The following NCLN variants were observed in gnomAD, a reference collection of about 807,000 sequenced individuals.
The protein encoded by NCLN is nicalin.
A neutral mutation model predicts 69.5 loss-of-function variants in NCLN; 34 were observed. The observed-to-expected ratio is 0.49, with a 90% CI of 0.37 to 0.65. The LOEUF (loss-of-function observed/expected upper bound fraction) is 0.65. Among genes scored for constraint, NCLN ranks in the 30% least tolerant of loss-of-function variants. NCLN has a pLI of 0.00. For synonymous variants in NCLN, 393 were observed against 358.3 expected, an observed-to-expected ratio of 1.10 and a Z score of -1.09; for missense variants, 710 against 804.8, an observed-to-expected ratio of 0.88 and a Z score of 1.42.
chr19:3,204,747 G>C lies in NCLN; in HGVS notation c.1204G>C (p.Val402Leu), dbSNP rs374589922. The C allele has an allele frequency of 6.5e-7, 1 of 1,528,438 alleles. No homozygotes were observed. The highest frequency in any genetic ancestry group is 2.3e-5 in the East Asian group (1 of 42,618). 94.7% of individuals were successfully genotyped at this position (1,528,438 alleles called of 1,614,324 possible). A position where few individuals can be genotyped will look rare whatever the true frequency, so the allele number is the denominator to read the frequency against. The change falls in exon 9 of 15, where the codon GTG becomes CTG. Residue 402 changes from valine to leucine, a missense_variant. Coordinates refer to ENST00000246117, the MANE Select transcript of NCLN (RefSeq NM_020170.4). ...CGGCCAGCGCAGCAGCATCATGGAC[G>C]TGCGGTGAGCGCGGCAGCACCTGCC... ...RDGQRSSIMD[V>L]RSRVDSKTLT...
chr19:3,206,059 AGCCCCAGCCCTGCCCCCGGCCCCG>A (rs1916256688), intron 10 of NCLN, 33 bp downstream of exon 10: 1 of 1,609,420 alleles, frequency 6.2e-7, no homozygotes, highest in Non-Finnish European at 8.5e-7. Context: ...CGCCAGACCC[AGCCCCAGCCCTGCCCCCGGCCCCG>A]GCCCCACCCC....
At chr19:3,186,255 CCGGCCA>C in intron 1 of NCLN, 41 bp downstream of exon 1, 1 of 1,420,234 alleles carries the variant, frequency 7.0e-7, no homozygotes. Context: ...CCCGGGCTCC[CCGGCCA>C]CGCCACTCCG....
chr19:3,204,347 G>C (rs1462041329), intron 8 of NCLN, among the ~76,000 whole-genome samples: 4 of 152,100 alleles, frequency 2.6e-5, no homozygotes, highest in African/African-American at 9.7e-5. Context: ...CACTGCGTCA[G>C]GGCCGGGCTG....
At position 3,203,656 on chromosome 19, in the gene NCLN, A is replaced by T. The variant is rs552444627; in HGVS notation, c.801-100A>T. On this transcript the variant is annotated intron_variant, in intron 6 of 14. Coordinates refer to ENST00000246117, the MANE Select transcript of NCLN (RefSeq NM_020170.4). ...CTGGTCAGGATTTCCTGCTTTGGGG[A>T]GACCTTCATACCCTTCCTGGGGGAC... 1.1e-5 allele frequency: 11 copies of T among 1,041,912 alleles called. No homozygotes were observed. In the East Asian group the frequency reaches 2.3e-4, roughly 22 times the overall value. 64.5% of individuals were successfully genotyped at this position (1,041,912 alleles called of 1,614,324 possible). A position where few individuals can be genotyped will look rare whatever the true frequency, so the allele number is the denominator to read the frequency against.
At position 3,203,814 on chromosome 19, in the gene NCLN, C is replaced by A. The variant is rs373049704; in HGVS notation, c.859C>A (p.Arg287Ser). 2.5e-6 allele frequency: 4 copies of A among 1,613,122 alleles called. No individual in the cohort carries two copies. The highest frequency in any genetic ancestry group is 4.5e-5 in the East Asian group (2 of 44,898). ...CAAGTTTAACTACCAGGGAACCAAG[C>A]GCTGGCTGGAAGACAACCTGGACCA... ...GGKFNYQGTKRWLEDNLDHTD... is the reference protein window; with the variant it reads ...GGKFNYQGTKSWLEDNLDHTD... The change falls in exon 7 of 15, where the codon CGC becomes AGC. Residue 287 changes from arginine to serine, a missense_variant. Physicochemically the swap from Arg to Ser is moderately radical, Grantham distance 110. Transcript: ENST00000246117.
At chr19:3,187,269 T>C (rs1915694897) in intron 1 of NCLN, among the ~76,000 whole-genome samples, 1 of 152,246 alleles carries the variant, frequency 6.6e-6, no homozygotes, top group South Asian at 2.1e-4. Flanking sequence ...TGTCTTTGCC[T>C]GGCTATAGCT....
At position 3,207,986 on chromosome 19, in the gene NCLN, G is replaced by A. The variant is rs537946732; in HGVS notation, c.*298G>A. On this transcript the variant is annotated 3_prime_UTR_variant, in exon 15 of 15. Coordinates refer to ENST00000246117, the MANE Select transcript of NCLN (RefSeq NM_020170.4). ...CCAGTCCTGGGAGCCGGCCGCCCTC[G>A]GTCTGGTGTAAGCACACATGCACGA... 7.1e-5 allele frequency: 32 copies of A among 453,558 alleles called. No homozygotes were observed. The highest frequency in any genetic ancestry group is 4.7e-4 in the African/African-American group (24 of 50,654). The allele number at this position is 453,558 out of a possible 1,614,324, so 28.1% of individuals were successfully genotyped here. A position where few individuals can be genotyped will look rare whatever the true frequency, so the allele number is the denominator to read the frequency against.
Position 3,192,342 on chromosome 19 carries a change from C to T in NCLN, c.185-128C>T, listed in dbSNP as rs928130801. ...GGGGGACCCTGGGAGCTTCTCGAAT[C>T]GGTGGTCTTCCAGGTTGTGGGCTGG... On this transcript the variant is annotated intron_variant, in intron 1 of 14. Transcript: ENST00000246117. The T allele has an allele frequency of 2.0e-5, 15 of 753,374 alleles. No homozygotes were observed. In the African/African-American group the frequency reaches 2.1e-4, roughly 11 times the overall value. 46.7% of individuals were successfully genotyped at this position (753,374 alleles called of 1,614,324 possible).
Position 3,204,061 on chromosome 19 carries a change from CG to C in NCLN, c.950del (p.Gly317AlafsTer95). ...AFVLCLDTVGRGSSLHLHVSK... is the reference protein window; with the variant it reads ...AFVLCLDTVGXGSSLHLHVSK... The stretch of plus-strand genomic sequence containing the variant: ...CGTGCTGTGCCTGGACACCGTGGGC[CG>C]GGGCAGCAGCCTGCACCTGCACGTG... On this transcript the variant is annotated frameshift_variant, in exon 8 of 15. Transcript: ENST00000246117. LOFTEE classifies it high-confidence loss of function. 2 of 1,567,924 alleles carry C rather than the reference CG, an allele frequency of 1.3e-6. No homozygotes were observed. The highest frequency in any genetic ancestry group is 1.7e-6 in the Non-Finnish European group (2 of 1,156,250).
In NCLN at chr19:3,205,406, C is replaced by T. The variant is rs556639504; in HGVS notation, c.1209-533C>T. ...TCAGGAGTGGTTTGAGCTCAGCCAT[C>T]GGAGGCCTGCAGAAGCCAGTGGCGG... On this transcript the variant is annotated intron_variant, in intron 9 of 14. Transcript: ENST00000246117. This position sits in a 1 kb window ranked among gnomAD's most constrained non-coding sequence, Gnocchi z 4.6. Among the ~76,000 whole-genome samples the T allele has an allele frequency of 2.6e-5, 4 of 152,328 alleles. No individual in the cohort carries two copies. Among genetic ancestry groups the T allele is most frequent in the East Asian group, 1.9e-4 (1 of 5,186 alleles).
At chr19:3,204,467 A>T in intron 8 of NCLN, 106 bp from the exon 9 acceptor site, 1 of 1,273,146 alleles carries the variant, frequency 7.9e-7, no homozygotes, top group Non-Finnish European at 1.1e-6. Flanking sequence ...ATTTCTCCTC[A>T]TTTTGCACCC....
At position 3,196,293 on chromosome 19, in the gene NCLN, C is replaced by T. The variant is rs751925198; in HGVS notation, c.615+16C>T. The T allele has an allele frequency of 4.2e-5, 64 of 1,526,730 alleles. No homozygotes were observed. The South Asian group carries it at 7.2e-4, about 17-fold the overall frequency. The allele number at this position is 1,526,730 out of a possible 1,614,324, so 94.6% of individuals were successfully genotyped here. The stretch of plus-strand genomic sequence containing the variant: ...CAGCGTGGAGGTGAGTGCCGCCTGC[C>T]CCGGAGCCAGCCCCACGTCCCCAGG... On this transcript the variant is annotated intron_variant, in intron 4 of 14. Coordinates refer to ENST00000246117, the MANE Select transcript of NCLN (RefSeq NM_020170.4).
chr19:3,192,360 T>G (rs1045377586), intron 1 of NCLN, 110 bp from the exon 2 acceptor site: 1 of 848,236 alleles, frequency 1.2e-6, no homozygotes, highest in African/African-American at 1.8e-5. Context: ...TTCCAGGTTG[T>G]GGGCTGGGGC....
intron 2 of NCLN, 62 bp downstream of exon 2, chr19:3,192,722 CTG>C: frequency 7.0e-7 from 1 of 1,425,142 alleles, no homozygotes; most frequent in Non-Finnish European, 9.2e-7. Context: ...TTGGAGGCAA[CTG>C]TGTGACCCTA....
intron 1 of NCLN, among the ~76,000 whole-genome samples, chr19:3,190,304 T>TGCGTG (rs1467129823): frequency 1.3e-5 from 2 of 152,072 alleles, no homozygotes; most frequent in African/African-American, 2.4e-5. Context: ...GGGCCTGGGG[T>TGCGTG]GCGTGGGCCC....
intron 5 of NCLN, among the ~76,000 whole-genome samples, chr19:3,200,737 G>A (rs1040692178): frequency 3.9e-5 from 6 of 152,078 alleles, no homozygotes; most frequent in African/African-American, 7.2e-5. Context: ...ACCCCAAAAA[G>A]CAGCCCCTCC....
chr19:3,190,622 C>G (rs1915794722), intron 1 of NCLN, among the ~76,000 whole-genome samples: 1 of 152,208 alleles, frequency 6.6e-6, no homozygotes, highest in South Asian at 2.1e-4. Flanking sequence ...CAGCATCCAG[C>G]ATCCACCTTC....
Position 3,198,833 on chromosome 19 carries a change from TG to T in NCLN, c.635del (p.Gly212AlafsTer200). ...TATCCACAGGGGCGGCTGACGGGGC[TG>T]GGCGGAGAGGACCTTCCCACCATCG... ...IASVEGRLTG[L>X]GGEDLPTIVI... On this transcript the variant is annotated frameshift_variant, in exon 5 of 15. Transcript: ENST00000246117. LOFTEE classifies it high-confidence loss of function. 1 of 1,577,228 alleles carries T rather than the reference TG, an allele frequency of 6.3e-7. No homozygotes were observed. The highest frequency in any genetic ancestry group is 8.6e-7 in the Non-Finnish European group (1 of 1,162,614).
intron 5 of NCLN, among the ~76,000 whole-genome samples, chr19:3,199,782 C>A (rs1682204211): frequency 6.8e-6 from 1 of 148,032 alleles, no homozygotes; most frequent in East Asian, 2.1e-4. Context: ...CTCACTGCAA[C>A]CTCTGCCTCC....
Sources: allele counts gnomAD v4.1 joint callset (sites outside exome capture counted in the v4.1 genomes callset), GRCh38; gene constraint gnomAD v4.1.1; non-coding constraint Gnocchi (gnomAD v3.1); transcripts MANE v1.5; gene names NCBI Gene and HGNC (gene_info 2026-07-23, HGNC 2026-07-21).